Variants in CSMD1 observed in about 807,000 individuals in gnomAD.
CSMD1 encodes CUB and Sushi multiple domains 1.
In CSMD1, 213 loss-of-function variants were observed where a neutral mutation model predicts 417.5. That is an observed-to-expected ratio of 0.51 (90% CI 0.46 to 0.57). The LOEUF (loss-of-function observed/expected upper bound fraction) is 0.57, where lower values mean the gene tolerates loss of function less well. Among genes scored for constraint, CSMD1 ranks in the 20% least tolerant of loss-of-function variants. CSMD1 has a pLI of 0.00. For synonymous variants in CSMD1, 2,862 were observed against 1,736.8 expected, an observed-to-expected ratio of 1.65 and a Z score of -16.11; for missense variants, 6,923 against 4,529.7, an observed-to-expected ratio of 1.53 and a Z score of -15.17.
intron 12 of CSMD1, among the ~76,000 whole-genome samples, chr8:3,453,819 C>G (rs752447683): frequency 2.0e-5 from 3 of 152,114 alleles, no homozygotes; most frequent in South Asian, 2.1e-4. Flanking sequence ...CTGTAGATGT[C>G]TATTAGATCT....
At chr8:3,450,065 C>A (rs912570148) in intron 12 of CSMD1, among the ~76,000 whole-genome samples, 1 of 152,272 alleles carries the variant, frequency 6.6e-6, no homozygotes, top group South Asian at 2.1e-4. Context: ...GAGACACATA[C>A]GAAATTCGGA....
intron 3 of CSMD1, among the ~76,000 whole-genome samples, chr8:4,099,567 G>A (rs933661619): frequency 6.6e-6 from 1 of 151,716 alleles, no homozygotes; most frequent in African/African-American, 2.4e-5. Flanking sequence ...TTTAAGGCAT[G>A]GCATATATCA....
At chr8:3,306,899 A>C (rs1804901291) in intron 25 of CSMD1, among the ~76,000 whole-genome samples, 1 of 151,884 alleles carries the variant, frequency 6.6e-6, no homozygotes. Flanking sequence ...CATCATCATA[A>C]CTCAGAACTC....
At chr8:4,403,625 G>A (rs1332218772) in intron 3 of CSMD1, among the ~76,000 whole-genome samples, 2 of 152,064 alleles carry the variant, frequency 1.3e-5, no homozygotes, top group Non-Finnish European at 2.9e-5. Flanking sequence ...TTCACCATCT[G>A]GTCTACTTAG....
At chr8:3,975,714 C>G (rs1322053833) in intron 5 of CSMD1, among the ~76,000 whole-genome samples, 1 of 152,186 alleles carries the variant, frequency 6.6e-6, no homozygotes, top group Admixed American at 6.5e-5. Context: ...TTGACAACGA[C>G]TTCATTACAT....
intron 10 of CSMD1, among the ~76,000 whole-genome samples, chr8:3,508,769 A>G (rs1055542762): frequency 5.3e-5 from 8 of 152,180 alleles, no homozygotes; most frequent in Middle Eastern, 3.2e-3. Flanking sequence ...CGAATAGAGG[A>G]CAGAACGCCT....
chr8:3,206,484 A>ATGTGTGTGTGTGGGTGTATG (rs74806069), intron 30 of CSMD1, among the ~76,000 whole-genome samples: 1 of 99,870 alleles, frequency 1.0e-5, no homozygotes, highest in Non-Finnish European at 1.8e-5. Flanking sequence ...CTGTGCGTGT[A>ATGTGTGTGTGTGGGTGTATG]TGTGTGTGTG....
At chr8:4,423,647 G>C (rs1374816793) in intron 2 of CSMD1, among the ~76,000 whole-genome samples, 1 of 151,922 alleles carries the variant, frequency 6.6e-6, no homozygotes, top group Non-Finnish European at 1.5e-5. Flanking sequence ...TGATACACAG[G>C]TTTTACACAA....
intron 12 of CSMD1, among the ~76,000 whole-genome samples, chr8:3,418,768 T>G (rs1424141268): frequency 6.6e-6 from 1 of 152,134 alleles, no homozygotes; most frequent in East Asian, 1.9e-4. Flanking sequence ...CACACGGGAT[T>G]GCACAAACTA....
At chr8:3,021,118 T>C (rs565612961) in intron 51 of CSMD1, among the ~76,000 whole-genome samples, 1 of 152,328 alleles carries the variant, frequency 6.6e-6, no homozygotes, top group South Asian at 2.1e-4. Flanking sequence ...TCTTGGAGGT[T>C]TCAGCGCACC....
intron 5 of CSMD1, among the ~76,000 whole-genome samples, chr8:3,967,043 G>T (rs529062915): frequency 6.6e-6 from 1 of 152,284 alleles, no homozygotes; most frequent in African/African-American, 2.4e-5. Flanking sequence ...TTTAGTTGAG[G>T]TAATCCAGAT....
chr8:3,430,319 T>G (rs904973993), intron 12 of CSMD1, among the ~76,000 whole-genome samples: 3 of 152,174 alleles, frequency 2.0e-5, no homozygotes, highest in African/African-American at 7.2e-5. Context: ...CTGAGAAATG[T>G]AGAAATCATT....
chr8:3,575,843 A>AGT (rs1373879170), intron 9 of CSMD1, among the ~76,000 whole-genome samples: 3 of 52,348 alleles, frequency 5.7e-5, no homozygotes, highest in East Asian at 3.0e-4. Flanking sequence ...TTATGAAAGG[A>AGT]GTTTTTTTTT....
intron 6 of CSMD1, among the ~76,000 whole-genome samples, chr8:3,713,432 C>G (rs371700251): frequency 1.3e-5 from 2 of 152,158 alleles, no homozygotes; most frequent in East Asian, 1.9e-4. Flanking sequence ...CCCTCTCTAG[C>G]TGGAGCGTCC....
intron 12 of CSMD1, among the ~76,000 whole-genome samples, chr8:3,421,364 G>A (rs2116976559): frequency 6.6e-6 from 1 of 152,296 alleles, no homozygotes; most frequent in Middle Eastern, 3.4e-3. Flanking sequence ...CACATTGAAT[G>A]GGCAGAGATA....
At chr8:4,360,396 A>G (rs1456429425) in intron 3 of CSMD1, among the ~76,000 whole-genome samples, 1 of 152,214 alleles carries the variant, frequency 6.6e-6, no homozygotes, top group African/African-American at 2.4e-5. Flanking sequence ...TGCAAACTCC[A>G]TCTATAAAAC....
chr8:4,989,299 C>T (rs574682986), intron 1 of CSMD1, among the ~76,000 whole-genome samples: 1 of 152,240 alleles, frequency 6.6e-6, no homozygotes, highest in Admixed American at 6.5e-5. Flanking sequence ...AAAATCTGCC[C>T]CTGGTTGCTG....
chr8:4,374,203 G>A (rs896378116), intron 3 of CSMD1, among the ~76,000 whole-genome samples: 5 of 152,104 alleles, frequency 3.3e-5, no homozygotes, highest in African/African-American at 1.2e-4. Flanking sequence ...GGTTAGCTTT[G>A]AGGAAGGATT....
intron 3 of CSMD1, among the ~76,000 whole-genome samples, chr8:4,034,240 G>T (rs1020121513): frequency 9.0e-6 from 1 of 111,444 alleles, no homozygotes; most frequent in African/African-American, 2.6e-5. Context: ...AGTACAAACA[G>T]AACTATATAG....
Sources: allele counts gnomAD v4.1 joint callset (sites outside exome capture counted in the v4.1 genomes callset), GRCh38; gene constraint gnomAD v4.1.1; transcripts MANE v1.5; gene names NCBI Gene and HGNC (gene_info 2026-07-23, HGNC 2026-07-21).